NRXN3: variants seen among roughly 807,000 people sequenced by gnomAD.
NRXN3 encodes neurexin 3.
Under a neutral mutation model 137.6 loss-of-function variants are expected in NRXN3, and 32 were observed. That is an observed-to-expected ratio of 0.23 (90% confidence interval 0.18 to 0.31). The LOEUF (loss-of-function observed/expected upper bound fraction) is 0.31. NRXN3 is among the 10% of genes least tolerant of loss of function. The pLI, the probability that NRXN3 is intolerant of heterozygous loss-of-function variation, is 1.00. For synonymous variants in NRXN3, 798 were observed against 784.5 expected, an observed-to-expected ratio of 1.02 and a Z score of -0.29; for missense variants, 1,574 against 2,062.5, an observed-to-expected ratio of 0.76 and a Z score of 4.59.
intron 15 of NRXN3, among the ~76,000 whole-genome samples, chr14:79,349,244 C>G (rs764380620): frequency 6.6e-6 from 1 of 151,892 alleles, no homozygotes; most frequent in Admixed American, 6.6e-5. Context: ...CTAAAAAATT[C>G]AAATTTTACA....
chr14:78,290,138 G>A (rs568705878), intron 3 of NRXN3, among the ~76,000 whole-genome samples: 2 of 152,226 alleles, frequency 1.3e-5, no homozygotes, highest in South Asian at 2.1e-4. Context: ...CCTATATCTG[G>A]TATAGACAAT....
chr14:79,435,353 A>T (rs193013736), intron 15 of NRXN3, among the ~76,000 whole-genome samples: 1 of 151,692 alleles, frequency 6.6e-6, no homozygotes, highest in African/African-American at 2.4e-5. Flanking sequence ...AGGTAAGTAG[A>T]GAAAGTTTGC....
intron 15 of NRXN3, among the ~76,000 whole-genome samples, chr14:79,238,074 G>A (rs894828042): frequency 2.0e-5 from 3 of 152,082 alleles, no homozygotes; most frequent in African/African-American, 7.2e-5. Context: ...AAGTATGGGA[G>A]GAATGATAAA....
intron 17 of NRXN3, among the ~76,000 whole-genome samples, chr14:79,685,325 A>G (rs1049972048): frequency 2.0e-5 from 3 of 152,198 alleles, no homozygotes; most frequent in Non-Finnish European, 4.4e-5. Flanking sequence ...GCACTAAGAC[A>G]TGGCTAAAAC....
At chr14:79,585,691 A>C (rs1290250474) in intron 16 of NRXN3, among the ~76,000 whole-genome samples, 1 of 118,096 alleles carries the variant, frequency 8.5e-6, no homozygotes, top group African/African-American at 3.1e-5. Context: ...CTTAAAAAAA[A>C]AACAAAAAAA....
chr14:78,351,601 C>A (rs1397843413), intron 4 of NRXN3, among the ~76,000 whole-genome samples: 3 of 151,910 alleles, frequency 2.0e-5, no homozygotes, highest in African/African-American at 7.3e-5. Context: ...TCTTGAGGTT[C>A]CCTTTTCTGT....
chr14:78,886,026 A>G (rs1329230672), intron 10 of NRXN3, among the ~76,000 whole-genome samples: 4 of 152,204 alleles, frequency 2.6e-5, no homozygotes, highest in Non-Finnish European at 5.9e-5. Flanking sequence ...GCTAGCCAAC[A>G]TCTCTGGAAA....
At chr14:78,997,813 T>G (rs2099533100) in intron 15 of NRXN3, among the ~76,000 whole-genome samples, 1 of 152,242 alleles carries the variant, frequency 6.6e-6, no homozygotes, top group Non-Finnish European at 1.5e-5. Flanking sequence ...AGTTCTTCTC[T>G]TTAAGGTCAT....
intron 10 of NRXN3, among the ~76,000 whole-genome samples, chr14:78,878,060 G>C (rs1596827616): frequency 6.6e-6 from 1 of 152,042 alleles, no homozygotes; most frequent in Non-Finnish European, 1.5e-5. Context: ...TTTGGTCACT[G>C]TTCATTAGTG....
intron 16 of NRXN3, among the ~76,000 whole-genome samples, chr14:79,630,282 G>A (rs1281047411): frequency 6.6e-6 from 1 of 152,196 alleles, no homozygotes; most frequent in Non-Finnish European, 1.5e-5. Flanking sequence ...GCCCCCCTCA[G>A]CATAAGGACA....
At chr14:78,563,275 T>C (rs562031189) in intron 4 of NRXN3, among the ~76,000 whole-genome samples, 1 of 152,314 alleles carries the variant, frequency 6.6e-6, no homozygotes, top group East Asian at 1.9e-4. Context: ...CCAATATTCA[T>C]CGATTAGGGG....
chr14:79,793,542 C>G (rs1286556382), intron 19 of NRXN3, among the ~76,000 whole-genome samples: 6 of 152,192 alleles, frequency 3.9e-5, no homozygotes, highest in Non-Finnish European at 8.8e-5. Flanking sequence ...ATGTCACACT[C>G]CTTTGGCCTG....
chr14:78,752,625 T>C (rs944739037), intron 8 of NRXN3, among the ~76,000 whole-genome samples: 2 of 152,096 alleles, frequency 1.3e-5, no homozygotes, highest in African/African-American at 4.8e-5. Context: ...AGAAGAGACA[T>C]TAAAGTGAGA....
At chr14:79,361,103 T>C (rs929895401) in intron 15 of NRXN3, among the ~76,000 whole-genome samples, 2 of 152,202 alleles carry the variant, frequency 1.3e-5, no homozygotes, top group East Asian at 1.9e-4. Context: ...TACAGAGATA[T>C]TACTTTGAAG....
chr14:78,860,832 A>G (rs2099070334), intron 10 of NRXN3, among the ~76,000 whole-genome samples: 1 of 152,082 alleles, frequency 6.6e-6, no homozygotes, highest in Non-Finnish European at 1.5e-5. Context: ...TTGCTGTCTC[A>G]GGCATGGCAG....
At position 78,796,757 on chromosome 14, in the gene NRXN3, A is replaced by G. The variant is rs1400392440; in HGVS notation, c.2045-6863A>G. ...TACACAGATGCCTCATCCAGGAGGA[A>G]GAGTCTTATTGGTTCAGAAGGCTTA... is the stretch of plus-strand genomic sequence containing the variant. On this transcript the variant is annotated intron_variant, in intron 8 of 20. Coordinates refer to ENST00000335750, the MANE Select transcript of NRXN3 (RefSeq NM_001330195.2). Among the ~76,000 whole-genome samples, 8 of 152,314 alleles carry G rather than the reference A, an allele frequency of 5.3e-5. No individual in the cohort carries two copies. In the East Asian group the frequency reaches 1.2e-3, roughly 22 times the overall value.
chr14:79,131,716 C>A (rs914870973), intron 15 of NRXN3, among the ~76,000 whole-genome samples: 1 of 152,352 alleles, frequency 6.6e-6, no homozygotes, highest in Non-Finnish European at 1.5e-5. Context: ...CCAGTTGGAG[C>A]TTCCTGGCTG....
chr14:79,233,284 A>T (rs1212580232), intron 15 of NRXN3, among the ~76,000 whole-genome samples: 1 of 152,146 alleles, frequency 6.6e-6, no homozygotes, highest in Non-Finnish European at 1.5e-5. Flanking sequence ...TTTACCCTTC[A>T]ACAAACATGT....
chr14:79,204,130 A>G (rs2066456171), intron 15 of NRXN3, among the ~76,000 whole-genome samples: 7 of 152,142 alleles, frequency 4.6e-5, no homozygotes, highest in Admixed American at 4.6e-4. Flanking sequence ...AGATTGCAGC[A>G]TTAATATGTG....
Sources: allele counts gnomAD v4.1 joint callset (sites outside exome capture counted in the v4.1 genomes callset), GRCh38; gene constraint gnomAD v4.1.1; transcripts MANE v1.5; gene names NCBI Gene and HGNC (gene_info 2026-07-23, HGNC 2026-07-21).